The following NRIP1 variants were observed in gnomAD, a reference collection of about 807,000 sequenced individuals.
The protein encoded by NRIP1 is nuclear receptor interacting protein 1, also known as nuclear receptor-interacting protein 1.
A neutral mutation model predicts 75.0 loss-of-function variants in NRIP1; 28 were observed. The observed-to-expected ratio is 0.37, with a 90% CI of 0.28 to 0.51. The LOEUF (loss-of-function observed/expected upper bound fraction) is 0.51, where lower values mean the gene tolerates loss of function less well. Ranked by LOEUF, NRIP1 falls within the 20% of genes least tolerant of loss-of-function variation. The pLI, the probability that NRIP1 is intolerant of heterozygous loss-of-function variation, is 0.92. For synonymous variants in NRIP1, 526 were observed against 487.6 expected, an observed-to-expected ratio of 1.08 and a Z score of -1.04; for missense variants, 1,435 against 1,343.7, an observed-to-expected ratio of 1.07 and a Z score of -1.06.
At chr21:15,020,516 T>C (rs542418448) in intron 2 of NRIP1, among the ~76,000 whole-genome samples, 1 of 152,280 alleles carries the variant, frequency 6.6e-6, no homozygotes, top group East Asian at 1.9e-4. Context: ...TAAACTCTTA[T>C]GACCTTAAGT....
chr21:14,967,515 T>C lies in NRIP1; in HGVS notation c.678A>G (p.Gly226=). ...ACAACGGTTCACTCATGACCTTTGT[T>C]CCACTTTGTCCAACATGATGAGGAG... is the stretch of plus-strand genomic sequence containing the variant. The part of the protein sequence containing the change: ...AESPHHVGQS[G]TKVMSEPLSC... The change falls in exon 4 of 4, where the codon GGA becomes GGG. Residue 226 remains glycine (G), a synonymous_variant. Coordinates refer to ENST00000318948, the MANE Select transcript of NRIP1 (RefSeq NM_003489.4). The C allele has an allele frequency of 6.2e-7, 1 of 1,614,172 alleles. No homozygotes were observed. Among genetic ancestry groups the C allele is most frequent in the Non-Finnish European group, 8.5e-7 (1 of 1,180,012 alleles).
chr21:15,060,015 T>C (rs1055925210), intron 1 of NRIP1, among the ~76,000 whole-genome samples: 12 of 152,180 alleles, frequency 7.9e-5, no homozygotes, highest in Non-Finnish European at 1.5e-4. Context: ...TTCGGGTGCA[T>C]TTTGATAAGC....
At chr21:15,004,477 T>C (rs1177572925) in intron 3 of NRIP1, among the ~76,000 whole-genome samples, 7 of 152,228 alleles carry the variant, frequency 4.6e-5, no homozygotes, top group African/African-American at 1.2e-4. Flanking sequence ...AGAGGTGATA[T>C]ACATTAAGTC....
chr21:14,965,866 G>A lies in NRIP1; in HGVS notation c.2327C>T (p.Ala776Val). 2 of 1,614,076 alleles carry A rather than the reference G, an allele frequency of 1.2e-6. No individual in the cohort carries two copies. Among genetic ancestry groups the A allele is most frequent in the Non-Finnish European group, 1.7e-6 (2 of 1,179,980 alleles). Reference sequence around the variant, plus strand: ...CATACCCAAGAATGGGGCACTCTTAGCATCATGGCTCAAGTGCACATTTGT... The same window carrying A: ...CATACCCAAGAATGGGGCACTCTTAACATCATGGCTCAAGTGCACATTTGT... Reference protein sequence around the residue: ...PNTNVHLSHDAKSAPFLGMAP... With the variant: ...PNTNVHLSHDVKSAPFLGMAP... Residue 776 changes from alanine (A) to valine (V), a missense_variant, in exon 4 of 4, where the codon GCT (alanine) becomes GTT (valine). Transcript: ENST00000318948.
intron 1 of NRIP1, among the ~76,000 whole-genome samples, chr21:15,064,530 C>T (rs1978678257): frequency 6.6e-6 from 1 of 151,960 alleles, no homozygotes. Context: ...CACTCCACAA[C>T]TTGCCGGCCC....
At chr21:14,993,471 C>G (rs1192685606) in intron 3 of NRIP1, among the ~76,000 whole-genome samples, 2 of 152,174 alleles carry the variant, frequency 1.3e-5, no homozygotes, top group South Asian at 4.1e-4. Context: ...AACAGTAACA[C>G]TGAGGGTCAA....
chr21:15,006,353 A>C (rs1034140780), intron 3 of NRIP1, among the ~76,000 whole-genome samples: 2 of 152,226 alleles, frequency 1.3e-5, no homozygotes, highest in Admixed American at 6.5e-5. Context: ...AATGCTCTCA[A>C]AATTTAATTT....
chr21:15,014,800 T>G (rs573573993), intron 2 of NRIP1, among the ~76,000 whole-genome samples: 1 of 151,030 alleles, frequency 6.6e-6, no homozygotes, highest in Non-Finnish European at 1.5e-5. Flanking sequence ...TACAAAAAAT[T>G]ATAAATCCTC....
intron 3 of NRIP1, among the ~76,000 whole-genome samples, chr21:14,978,463 G>C (rs1343912545): frequency 6.6e-6 from 1 of 152,118 alleles, no homozygotes; most frequent in African/African-American, 2.4e-5. Flanking sequence ...CTTCTGTAGG[G>C]TCACAGAATT....
rs80339902 is a variant in NRIP1 at position 15,059,446 on chromosome 21, C to T, written c.-538+5299G>A. Among the ~76,000 whole-genome samples, 319 of 151,914 alleles carry T rather than the reference C, an allele frequency of 2.1e-3. 2 individuals are homozygous for T. The highest frequency in any genetic ancestry group is 7.5e-3 in the African/African-American group (309 of 41,434). ...CAACTATTAACCCTGTCAGATAATT[C>T]TATTATCAAGTTTTACAAAACTGTT... On this transcript the variant is annotated intron_variant, in intron 1 of 3. Coordinates refer to ENST00000318948, the MANE Select transcript of NRIP1 (RefSeq NM_003489.4).
rs1281397154 is a variant in NRIP1, at chr21:14,966,784, G to A, written c.1409C>T (p.Thr470Ile). Residue 470 changes from threonine (T) to isoleucine (I), a missense_variant, in exon 4 of 4, where the codon ACT (threonine) becomes ATT (isoleucine). Coordinates refer to ENST00000318948, the MANE Select transcript of NRIP1 (RefSeq NM_003489.4). ...TACATCTGGGACTTTTGGATCCCAAGTGTTTAGCAAGGATTGAGTGAAGTT... is the reference window on the plus strand; with the variant it reads ...TACATCTGGGACTTTTGGATCCCAAATGTTTAGCAAGGATTGAGTGAAGTT... ...LDNFTQSLLNTWDPKVPDVDI... is the reference protein window; with the variant it reads ...LDNFTQSLLNIWDPKVPDVDI... The A allele has an allele frequency of 6.2e-7, 1 of 1,614,116 alleles. No individual in the cohort carries two copies. The highest frequency in any genetic ancestry group is 1.7e-5 in the Admixed American group (1 of 60,004).
chr21:15,000,179 A>T (rs2087819177), intron 3 of NRIP1, among the ~76,000 whole-genome samples: 1 of 152,206 alleles, frequency 6.6e-6, no homozygotes, highest in Non-Finnish European at 1.5e-5. Flanking sequence ...CCATTCAGAG[A>T]GATTCCTGTT....
intron 1 of NRIP1, among the ~76,000 whole-genome samples, chr21:15,063,578 A>G (rs540325880): frequency 2.6e-5 from 4 of 152,314 alleles, no homozygotes; most frequent in Admixed American, 2.0e-4. Flanking sequence ...CAGAAAGAGC[A>G]TTCATCACAT....
chr21:14,977,468 G>A (rs80198184), intron 3 of NRIP1, among the ~76,000 whole-genome samples: 11 of 152,180 alleles, frequency 7.2e-5, no homozygotes, highest in East Asian at 3.9e-4. Context: ...GTTAAAATAC[G>A]TAAAACCCAA....
Position 14,965,517 on chromosome 21 carries a change from C to T in NRIP1, c.2676G>A (p.Gly892=). ...NNHSAPEVLY[G]SLLNQEELKF... ...TCAGCTCTTCCTGGTTAAGCAAGGA[C>T]CCATACAGTACTTCTGGGGCACTGT... The change falls in exon 4 of 4, where the codon GGG becomes GGA. Residue 892 remains glycine, a synonymous_variant. Transcript: ENST00000318948. 7 of 1,614,060 alleles carry T rather than the reference C, an allele frequency of 4.3e-6. No individual in the cohort carries two copies. The South Asian group carries it at 6.6e-5, about 15-fold the overall frequency.
chr21:15,030,828 C>T (rs1371598310), intron 2 of NRIP1, among the ~76,000 whole-genome samples: 3 of 144,640 alleles, frequency 2.1e-5, no homozygotes, highest in Admixed American at 1.4e-4. Context: ...TATGTGTATA[C>T]ACTCTGGAAG....
Position 14,967,490 on chromosome 21 carries a change from A to G in NRIP1, c.703T>C (p.Ser235Pro), listed in dbSNP as rs1568941273. ...SGTKVMSEPL[S>P]CAARLQAVAS... The stretch of plus-strand genomic sequence containing the variant: ...ACAGCCTGTAATCTTGCAGCACATG[A>G]CAACGGTTCACTCATGACCTTTGTT... Residue 235 changes from serine to proline, a missense_variant, in exon 4 of 4, where the codon TCA becomes CCA. Transcript: ENST00000318948. 18 of 1,614,082 alleles carry G rather than the reference A, an allele frequency of 1.1e-5. No homozygotes were observed. Among genetic ancestry groups the G allele is most frequent in the Non-Finnish European group, 1.5e-5 (18 of 1,179,988 alleles).
intron 3 of NRIP1, among the ~76,000 whole-genome samples, chr21:14,988,418 T>C (rs949196598): frequency 1.6e-5 from 2 of 126,078 alleles, no homozygotes; most frequent in Non-Finnish European, 3.3e-5. Flanking sequence ...TTGTCTTTTG[T>C]CTTTAGATAG....
At chr21:15,059,534 A>G (rs1041816087) in intron 1 of NRIP1, among the ~76,000 whole-genome samples, 1 of 151,906 alleles carries the variant, frequency 6.6e-6, no homozygotes, top group Non-Finnish European at 1.5e-5. Flanking sequence ...GAAGGAAGGG[A>G]GGGAAGGAGG....
Sources: allele counts gnomAD v4.1 joint callset (sites outside exome capture counted in the v4.1 genomes callset), GRCh38; gene constraint gnomAD v4.1.1; transcripts MANE v1.5; gene names NCBI Gene and HGNC (gene_info 2026-07-23, HGNC 2026-07-21).